Variants in ATF7IP observed in about 807,000 individuals in gnomAD.
The protein encoded by ATF7IP is activating transcription factor 7-interacting protein 1.
Under a neutral mutation model 106.4 loss-of-function variants are expected in ATF7IP, and 23 were observed. The observed-to-expected ratio is 0.22, with a 90% CI of 0.16 to 0.31. The LOEUF (loss-of-function observed/expected upper bound fraction) is 0.31. Among genes scored for constraint, ATF7IP ranks in the 10% least tolerant of loss-of-function variants. The probability of loss-of-function intolerance (pLI) is 1.00; values close to 1 mark genes in which losing one functional copy is unlikely to be tolerated. For missense variants in ATF7IP, 1,334 were observed against 1,524.3 expected (o/e 0.88, Z 2.08); for synonymous variants, 542 against 539.0 (o/e 1.01, Z -0.08).
chr12:14,423,247 A>G (rs1380525255), intron 1 of ATF7IP, among the ~76,000 whole-genome samples: 1 of 152,060 alleles, frequency 6.6e-6, no homozygotes, highest in Non-Finnish European at 1.5e-5. Context: ...GAATTATAGC[A>G]GTTCTTAGAT....
chr12:14,445,816 C>G (rs1356792889), intron 5 of ATF7IP, among the ~76,000 whole-genome samples: 2 of 152,158 alleles, frequency 1.3e-5, no homozygotes, highest in Admixed American at 6.5e-5. Context: ...TCTGGCAGAG[C>G]TCTTCCTTAG....
rs1374497214 is a variant in ATF7IP, at chr12:14,481,046, G to T, written c.3141G>T (p.Val1047=). Residue 1047 remains valine (V), a synonymous_variant, in exon 13 of 15, where the codon GTG becomes GTT. Coordinates refer to ENST00000261168, the MANE Select transcript of ATF7IP (RefSeq NM_018179.5). ...TAACACATCGTCCAGTAACTCAGGT[G>T]ACCACAAGACTCCCTGTACCAAGAG... ...VNVTHRPVTQ[V]TTRLPVPRAP... 1.9e-6 allele frequency: 3 copies of T among 1,613,808 alleles called. No individual in the cohort carries two copies. Among genetic ancestry groups the T allele is most frequent in the South Asian group, 1.1e-5 (1 of 91,060 alleles).
In ATF7IP at chr12:14,460,244, C is replaced by T. The variant is rs188242522; in HGVS notation, c.2159-251C>T. ...AATTTTCAGAGACCGTTTTGATCCT[C>T]AGTAGTCTTGCATATTAATCATCGA... On this transcript the variant is annotated intron_variant, in intron 8 of 14. Transcript: ENST00000261168. 3.2e-3 allele frequency among the ~76,000 whole-genome samples: 489 copies of T among 152,156 alleles called. 3 individuals are homozygous for T. The highest frequency in any genetic ancestry group is 0.011 in the African/African-American group (458 of 41,496).
At chr12:14,489,565 G>C (rs1015891425) in intron 13 of ATF7IP, among the ~76,000 whole-genome samples, 5 of 152,134 alleles carry the variant, frequency 3.3e-5, no homozygotes, top group African/African-American at 1.2e-4. Flanking sequence ...ATGAATCCTG[G>C]CTATGGGAGA....
chr12:14,411,558 AAAAG>A (rs1940914503), intron 1 of ATF7IP, among the ~76,000 whole-genome samples: 1 of 151,960 alleles, frequency 6.6e-6, no homozygotes, highest in African/African-American at 2.4e-5. Context: ...AAAAAACAGA[AAAAG>A]AAAAAAAAAA....
In ATF7IP at chr12:14,470,128, A is replaced by C. The variant is rs189682946; in HGVS notation, c.2862+3538A>C. On this transcript the variant is annotated intron_variant, in intron 10 of 14. Transcript: ENST00000261168. ...GTTCTTGATAACTAACCAAGTCTCA[A>C]TTATGGGTCCAAGTTCCCTTGGAGA... is the stretch of plus-strand genomic sequence containing the variant. Among the ~76,000 whole-genome samples the C allele has an allele frequency of 1.2e-4, 18 of 152,342 alleles. No individual in the cohort carries two copies. The East Asian group carries it at 3.1e-3, about 26-fold the overall frequency.
At chr12:14,392,689 A>AT (rs1939627101) in intron 1 of ATF7IP, among the ~76,000 whole-genome samples, 1 of 152,156 alleles carries the variant, frequency 6.6e-6, no homozygotes, top group Admixed American at 6.5e-5. Context: ...GTAGGGTAGA[A>AT]TAGGTATCTA....
chr12:14,490,003 T>A (rs1168184004), intron 13 of ATF7IP, among the ~76,000 whole-genome samples: 1 of 152,218 alleles, frequency 6.6e-6, no homozygotes, highest in African/African-American at 2.4e-5. Context: ...AGCTAGCTGA[T>A]CACCCCGAGG....
chr12:14,493,483 C>T (rs1439875765), intron 13 of ATF7IP, among the ~76,000 whole-genome samples: 2 of 152,154 alleles, frequency 1.3e-5, no homozygotes, highest in Non-Finnish European at 2.9e-5. Context: ...ACTCTTGCCT[C>T]ACATATCACA....
At chr12:14,377,638 G>C (rs374713424) in intron 1 of ATF7IP, among the ~76,000 whole-genome samples, 7 of 149,732 alleles carry the variant, frequency 4.7e-5, no homozygotes, top group African/African-American at 1.7e-4. Flanking sequence ...TTTTTTGACA[G>C]AGTCTCGCTC....
intron 1 of ATF7IP, among the ~76,000 whole-genome samples, chr12:14,375,964 G>A (rs547274769): frequency 3.8e-4 from 58 of 152,274 alleles, no homozygotes; most frequent in African/African-American, 1.4e-3. Context: ...CCACTCATTA[G>A]TAAGGTAAAT....
At chr12:14,370,970 A>C (rs747243267) in intron 1 of ATF7IP, among the ~76,000 whole-genome samples, 3 of 151,764 alleles carry the variant, frequency 2.0e-5, no homozygotes, top group Non-Finnish European at 2.9e-5. Flanking sequence ...GGTGAGGCTT[A>C]ATCTCATAAT....
chr12:14,382,714 A>C (rs1939049026), intron 1 of ATF7IP, among the ~76,000 whole-genome samples: 2 of 152,216 alleles, frequency 1.3e-5, no homozygotes, highest in Non-Finnish European at 2.9e-5. Flanking sequence ...TTGAGCAAAT[A>C]ACTGTGTTCT....
rs191140975 is a variant in ATF7IP, at chr12:14,386,443, G to A, written c.-8+20616G>A. ...ATATACTCCTGGTTTTGTCCGTAGA[G>A]TATTAAGAATATATCCCTGACTTAT... is the stretch of plus-strand genomic sequence containing the variant. On this transcript the variant is annotated intron_variant, in intron 1 of 14. Coordinates refer to ENST00000261168, the MANE Select transcript of ATF7IP (RefSeq NM_018179.5). Among the ~76,000 whole-genome samples the A allele has an allele frequency of 3.1e-3, 470 of 152,216 alleles. 3 individuals carry two copies. The Middle Eastern group carries it at 0.051, about 17-fold the overall frequency.
At chr12:14,396,498 A>G (rs549538885) in intron 1 of ATF7IP, among the ~76,000 whole-genome samples, 1 of 152,202 alleles carries the variant, frequency 6.6e-6, no homozygotes, top group East Asian at 1.9e-4. Flanking sequence ...TGTATGTTTC[A>G]TCTCAGTAAA....
At chr12:14,480,154 T>A (rs1471102180) in intron 12 of ATF7IP, among the ~76,000 whole-genome samples, 1 of 152,150 alleles carries the variant, frequency 6.6e-6, no homozygotes, top group African/African-American at 2.4e-5. Flanking sequence ...CCTCCAACTT[T>A]ATTTTTTTAT....
intron 13 of ATF7IP, among the ~76,000 whole-genome samples, chr12:14,492,734 C>T (rs1373755510): frequency 2.0e-5 from 3 of 152,196 alleles, no homozygotes; most frequent in Non-Finnish European, 4.4e-5. Context: ...GCTATGCCCA[C>T]ATTGCCTTTG....
intron 1 of ATF7IP, chr12:14,385,531 C>T (rs1939186999): frequency 5.5e-6 from 4 of 732,920 alleles, no homozygotes; most frequent in Non-Finnish European, 8.7e-6. Flanking sequence ...TTGGTAGAAC[C>T]TTTAAGCCTT....
At chr12:14,482,490 T>C (rs1045691283) in intron 13 of ATF7IP, 1 of 152,264 alleles carries the variant, frequency 6.6e-6, no homozygotes, top group African/African-American at 2.4e-5. Context: ...AGTCTCTCCA[T>C]TTCATGTTTT....
Sources: gnomAD v4.1 joint callset for allele counts (sites outside exome capture counted in the v4.1 genomes callset) on GRCh38, gnomAD v4.1.1 for gene constraint, MANE v1.5 for transcripts, NCBI Gene and HGNC (gene_info 2026-07-23, HGNC 2026-07-21) for gene names.